Variants in CNTN5 observed in about 807,000 individuals in gnomAD.
CNTN5 encodes contactin 5.
A neutral mutation model predicts 129.1 loss-of-function variants in CNTN5; 77 were observed. The ratio of observed to expected loss-of-function variants is 0.60; its 90% confidence interval spans 0.50 to 0.72. CNTN5 has a LOEUF of 0.72. Ranked by LOEUF, CNTN5 falls within the 30% of genes least tolerant of loss-of-function variation. CNTN5 has a pLI of 0.00. For missense variants in CNTN5, 1,478 were observed against 1,328.8 expected (o/e 1.11, Z -1.75); for synonymous variants, 509 against 465.6 (o/e 1.09, Z -1.20).
intron 1 of CNTN5, among the ~76,000 whole-genome samples, chr11:99,088,048 C>A (rs565339140): frequency 6.6e-6 from 1 of 152,082 alleles, no homozygotes; most frequent in Non-Finnish European, 1.5e-5. Flanking sequence ...ATGTAAATAG[C>A]CTTTTTGGAG....
intron 3 of CNTN5, among the ~76,000 whole-genome samples, chr11:99,637,904 C>T (rs1951625157): frequency 6.6e-6 from 1 of 152,072 alleles, no homozygotes; most frequent in Non-Finnish European, 1.5e-5. Context: ...TCTCTTTAGC[C>T]TAGCCTTCAT....
At chr11:99,868,450 T>C (rs1486597862) in intron 6 of CNTN5, among the ~76,000 whole-genome samples, 1 of 152,208 alleles carries the variant, frequency 6.6e-6, no homozygotes, top group African/African-American at 2.4e-5. Flanking sequence ...TTGATAAAGA[T>C]AAATAGGCTA....
At chr11:99,141,364 T>A (rs1387824113) in intron 1 of CNTN5, among the ~76,000 whole-genome samples, 15 of 152,124 alleles carry the variant, frequency 9.9e-5, no homozygotes, top group Non-Finnish European at 1.8e-4. Context: ...GTAATGATAA[T>A]CTCTTCTTTG....
intron 3 of CNTN5, among the ~76,000 whole-genome samples, chr11:99,810,741 G>T (rs1207185781): frequency 6.6e-6 from 1 of 152,090 alleles, no homozygotes; most frequent in African/African-American, 2.4e-5. Flanking sequence ...GGCCAAAATT[G>T]CAGAGTTAAC....
At chr11:100,330,804 G>C (rs543834420) in intron 21 of CNTN5, among the ~76,000 whole-genome samples, 4 of 152,034 alleles carry the variant, frequency 2.6e-5, no homozygotes, top group Non-Finnish European at 5.9e-5. Context: ...CCAAGCCAGC[G>C]CTACAAGAAC....
At chr11:99,372,215 T>C (rs1939868907) in intron 2 of CNTN5, among the ~76,000 whole-genome samples, 1 of 152,202 alleles carries the variant, frequency 6.6e-6, no homozygotes. Context: ...AGTTTTGATC[T>C]TTATGTATGT....
chr11:100,106,685 T>C (rs1945446024), intron 13 of CNTN5, among the ~76,000 whole-genome samples: 1 of 152,142 alleles, frequency 6.6e-6, no homozygotes, highest in African/African-American at 2.4e-5. Flanking sequence ...ATGAAATACA[T>C]TTGTTTGGAA....
At chr11:99,366,591 A>G (rs1939457978) in intron 2 of CNTN5, among the ~76,000 whole-genome samples, 1 of 152,312 alleles carries the variant, frequency 6.6e-6, no homozygotes, top group African/African-American at 2.4e-5. Flanking sequence ...ATCACCCATC[A>G]GTGTGTATCG....
At chr11:99,248,502 A>G (rs1236895901) in intron 1 of CNTN5, among the ~76,000 whole-genome samples, 2 of 151,960 alleles carry the variant, frequency 1.3e-5, no homozygotes, top group Admixed American at 1.3e-4. Context: ...TTTTGTTGCC[A>G]TTGCTTTTGG....
intron 4 of CNTN5, among the ~76,000 whole-genome samples, chr11:99,820,151 A>G (rs1946750745): frequency 2.0e-5 from 3 of 151,848 alleles, no homozygotes; most frequent in Non-Finnish European, 4.4e-5. Context: ...GTTGTAAGTT[A>G]GTCTTCTTTT....
chr11:99,400,095 T>C (rs934690973), intron 2 of CNTN5, among the ~76,000 whole-genome samples: 21 of 152,078 alleles, frequency 1.4e-4, no homozygotes, highest in African/African-American at 5.1e-4. Context: ...TATCAAATAC[T>C]AGGCCTTATA....
rs60752155 is a variant in CNTN5, at chr11:99,891,332, TTTATTA to T, written c.578-24711_578-24706del. 1.5e-4 allele frequency among the ~76,000 whole-genome samples: 23 copies of T among 151,878 alleles called. No individual in the cohort carries two copies. The East Asian group carries it at 1.6e-3, about 10-fold the overall frequency. ...TTATTTTTTGATGTCCCAATATCTT[TTTATTA>T]TTATTATTATATTTTAAGTTCTGGG... On this transcript the variant is annotated intron_variant, in intron 6 of 24. Coordinates refer to ENST00000524871, the MANE Select transcript of CNTN5 (RefSeq NM_014361.4).
chr11:99,147,008 G>A (rs542555311), intron 1 of CNTN5, among the ~76,000 whole-genome samples: 1 of 152,176 alleles, frequency 6.6e-6, no homozygotes, highest in South Asian at 2.1e-4. Flanking sequence ...GGCATGAGTC[G>A]ATGCATTAAG....
chr11:99,637,134 A>T (rs534438038), intron 3 of CNTN5, among the ~76,000 whole-genome samples: 2 of 150,698 alleles, frequency 1.3e-5, no homozygotes, highest in East Asian at 3.9e-4. Context: ...TTATTTAATG[A>T]TAATAATCAT....
At chr11:100,315,357 C>A (rs930580669) in intron 21 of CNTN5, among the ~76,000 whole-genome samples, 3 of 152,252 alleles carry the variant, frequency 2.0e-5, no homozygotes, top group Non-Finnish European at 2.9e-5. Flanking sequence ...CAATTCAAAT[C>A]AAATAGTGAT....
intron 3 of CNTN5, among the ~76,000 whole-genome samples, chr11:99,818,260 A>G: frequency 7.6e-6 from 1 of 131,374 alleles, no homozygotes; most frequent in African/African-American, 2.6e-5. Context: ...GAACAAAACT[A>G]CCTTTTTTTT....
At chr11:99,577,760 T>G (rs1391323079) in intron 3 of CNTN5, among the ~76,000 whole-genome samples, 4 of 152,108 alleles carry the variant, frequency 2.6e-5, no homozygotes, top group Non-Finnish European at 4.4e-5. Context: ...TCTAAAATGT[T>G]TAAAGATGAT....
At chr11:99,479,180 A>G (rs1043146164) in intron 2 of CNTN5, among the ~76,000 whole-genome samples, 1 of 152,036 alleles carries the variant, frequency 6.6e-6, no homozygotes, top group Non-Finnish European at 1.5e-5. Context: ...TATTTTTAAG[A>G]ACTATTTGTT....
chr11:99,627,532 A>T (rs1329717473), intron 3 of CNTN5, among the ~76,000 whole-genome samples: 3 of 152,136 alleles, frequency 2.0e-5, no homozygotes, highest in African/African-American at 2.4e-5. Flanking sequence ...TAAAAATAAC[A>T]CTTCAAGGTT....
Sources: allele counts gnomAD v4.1 joint callset (sites outside exome capture counted in the v4.1 genomes callset), GRCh38; gene constraint gnomAD v4.1.1; transcripts MANE v1.5; gene names NCBI Gene and HGNC (gene_info 2026-07-23, HGNC 2026-07-21).